The following KDM4B variants were observed in gnomAD, a reference collection of about 807,000 sequenced individuals.
KDM4B encodes the protein lysine demethylase 4B.
Under a neutral mutation model 125.2 loss-of-function variants are expected in KDM4B, and 32 were observed. The observed-to-expected ratio is 0.26, with a 90% CI of 0.19 to 0.34. The LOEUF is 0.34. Among genes scored for constraint, KDM4B ranks in the 10% least tolerant of loss-of-function variants. The pLI, the probability that KDM4B is intolerant of heterozygous loss-of-function variation, is 1.00. For synonymous variants in KDM4B, 721 were observed against 677.9 expected (o/e 1.06, Z -0.99); for missense variants, 1,190 against 1,577.7 (o/e 0.75, Z 4.16).
chr19:5,101,604 A>T (rs191672821), intron 9 of KDM4B, among the ~76,000 whole-genome samples: 2 of 147,468 alleles, frequency 1.4e-5, no homozygotes, highest in African/African-American at 5.0e-5. Context: ...TTGGGATGCA[A>T]GGGGATAGCG....
Position 5,137,259 on chromosome 19 carries a change from C to T in KDM4B, c.2309-3C>T. 1 of 1,569,138 alleles carries T rather than the reference C, an allele frequency of 6.4e-7. No homozygotes were observed. Among genetic ancestry groups the T allele is most frequent in the Admixed American group, 1.9e-5 (1 of 53,186 alleles). The stretch of plus-strand genomic sequence containing the variant: ...ATCTCAGCCAGCCCCCGCTGTCTTC[C>T]AGGTTGCTATGGCATCCGTCCCGAG... On this transcript the variant is annotated splice_polypyrimidine_tract_variant and splice_region_variant and intron_variant, in intron 15 of 22. Transcript: ENST00000159111.
chr19:5,131,840 C>T, intron 12 of KDM4B, 47 bp from the exon 13 acceptor site: 1 of 1,611,906 alleles, frequency 6.2e-7, no homozygotes, highest in Non-Finnish European at 8.5e-7. Context: ...GAGCCCCACC[C>T]AGGGGTCTGT....
intron 6 of KDM4B, among the ~76,000 whole-genome samples, chr19:5,067,365 C>G (rs1425513289): frequency 6.6e-6 from 1 of 152,202 alleles, no homozygotes; most frequent in East Asian, 1.9e-4. Flanking sequence ...TCCAGCAATC[C>G]CTGTGCGCTG....
intron 6 of KDM4B, among the ~76,000 whole-genome samples, chr19:5,049,134 C>T (rs538886618): frequency 1.1e-4 from 16 of 152,198 alleles, no homozygotes; most frequent in South Asian, 4.1e-4. Context: ...CGGGAGGAGG[C>T]GACAGTGGCT....
intron 10 of KDM4B, among the ~76,000 whole-genome samples, chr19:5,116,594 C>T (rs1278361650): frequency 6.6e-6 from 1 of 152,098 alleles, no homozygotes; most frequent in Non-Finnish European, 1.5e-5. Flanking sequence ...GGAACCAAGA[C>T]CCCCAGGGGT....
In KDM4B at chr19:5,081,571, G is replaced by A. The variant is rs2038295304; in HGVS notation, c.781-796G>A. On this transcript the variant is annotated intron_variant, in intron 8 of 22. Coordinates refer to ENST00000159111, the MANE Select transcript of KDM4B (RefSeq NM_015015.3). This position sits in a 1 kb window ranked among gnomAD's most constrained non-coding sequence, Gnocchi z 4.2. ...ACGCCTCGGCTCCTCAGTTTAGGGG[G>A]TCCTGCTTCAGAGACCTGCAAAGTC... Among the ~76,000 whole-genome samples, 1 of 152,176 alleles carries A rather than the reference G, an allele frequency of 6.6e-6. No individual in the cohort carries two copies. The highest frequency in any genetic ancestry group is 2.1e-4 in the South Asian group (1 of 4,828).
intron 11 of KDM4B, among the ~76,000 whole-genome samples, chr19:5,128,408 C>T (rs1038393338): frequency 7.2e-5 from 11 of 152,048 alleles, no homozygotes; most frequent in African/African-American, 1.2e-4. Flanking sequence ...AAGTTGAACC[C>T]GGCTTGGGAA....
chr19:5,015,886 A>G (rs2035878354), intron 1 of KDM4B, among the ~76,000 whole-genome samples: 1 of 152,122 alleles, frequency 6.6e-6, no homozygotes, highest in African/African-American at 2.4e-5. Flanking sequence ...GGTGGGGGAA[A>G]AACTGGGTGC....
At position 5,153,581 on chromosome 19, in the gene KDM4B, T is replaced by A. The variant is rs956390650; in HGVS notation, c.*2070T>A. ...CTCTAGGTTCATAATGAATTAAAGG[T>A]TCATGAACGCTGCGAAACCCCGTTC... is the stretch of plus-strand genomic sequence containing the variant. On this transcript the variant is annotated 3_prime_UTR_variant, in exon 23 of 23. Transcript: ENST00000159111. 6.6e-6 allele frequency: 1 copy of A among 152,228 alleles called. No individual in the cohort carries two copies. The highest frequency in any genetic ancestry group is 1.5e-5 in the Non-Finnish European group (1 of 68,062). 9.4% of individuals were successfully genotyped at this position (152,228 alleles called of 1,614,324 possible). A position where few individuals can be genotyped will look rare whatever the true frequency, so the allele number is the denominator to read the frequency against.
intron 2 of KDM4B, among the ~76,000 whole-genome samples, chr19:5,029,766 G>A (rs1198036939): frequency 6.6e-6 from 1 of 152,232 alleles, no homozygotes; most frequent in African/African-American, 2.4e-5. Flanking sequence ...GGTTGAGGCT[G>A]CAGTGAACCG....
At position 5,114,294 on chromosome 19, in the gene KDM4B, C is replaced by T. The variant is rs2039212283; in HGVS notation, c.1115+3476C>T. The T allele has an allele frequency of 8.3e-7, 1 of 1,204,552 alleles. No homozygotes were observed. Among genetic ancestry groups the T allele is most frequent in the Non-Finnish European group, 1.1e-6 (1 of 911,100 alleles). The allele number at this position is 1,204,552 out of a possible 1,614,324, so 74.6% of individuals were successfully genotyped here. On this transcript the variant is annotated intron_variant, in intron 10 of 22. Transcript: ENST00000159111. The surrounding 1 kb of genome is among the most constrained non-coding windows in gnomAD (Gnocchi z 5.8). Reference sequence around the variant, plus strand: ...CCCTGGCCCACTGCTGCTCTGTGAGCCCGGCTGGGCCCAGGCCTCGTCTCC... The same window carrying T: ...CCCTGGCCCACTGCTGCTCTGTGAGTCCGGCTGGGCCCAGGCCTCGTCTCC...
At chr19:5,066,288 G>T (rs2037766138) in intron 6 of KDM4B, among the ~76,000 whole-genome samples, 1 of 152,232 alleles carries the variant, frequency 6.6e-6, no homozygotes, top group South Asian at 2.1e-4. Flanking sequence ...AAGCTGGGAA[G>T]GTAGAGGGTC....
chr19:5,118,727 C>T (rs1194215590), intron 10 of KDM4B, among the ~76,000 whole-genome samples: 1 of 152,210 alleles, frequency 6.6e-6, no homozygotes, highest in African/African-American at 2.4e-5. Flanking sequence ...TTTTCAGCCC[C>T]TCTCTCTCAT....
At chr19:5,001,039 T>A (rs913506979) in intron 1 of KDM4B, among the ~76,000 whole-genome samples, 5 of 148,134 alleles carry the variant, frequency 3.4e-5, no homozygotes, top group Non-Finnish European at 7.5e-5. Context: ...GTCCCCTTCT[T>A]TTTTTTTTTT....
At chr19:5,068,196 T>C (rs551053029) in intron 6 of KDM4B, among the ~76,000 whole-genome samples, 36 of 152,072 alleles carry the variant, frequency 2.4e-4, no homozygotes, top group African/African-American at 8.4e-4. Context: ...TCTTCGCTCT[T>C]TGGGGGCCTG....
At chr19:5,079,778 G>A (rs988296161) in intron 8 of KDM4B, among the ~76,000 whole-genome samples, 1 of 152,184 alleles carries the variant, frequency 6.6e-6, no homozygotes, top group African/African-American at 2.4e-5. Context: ...TGTTGTCCAG[G>A]CTGGTCTCAA....
chr19:5,009,874 G>A (rs1599405619), intron 1 of KDM4B, among the ~76,000 whole-genome samples: 4 of 152,260 alleles, frequency 2.6e-5, no homozygotes, highest in Admixed American at 2.6e-4. Flanking sequence ...TGGGATTACA[G>A]GTGCCTTCCA....
chr19:5,079,058 A>G (rs1173039510), intron 8 of KDM4B: 1 of 152,086 alleles, frequency 6.6e-6, no homozygotes, highest in Non-Finnish European at 1.5e-5. Flanking sequence ...GCCTTCAAAC[A>G]AGTGACTCCC....
rs896015106 is a variant in KDM4B, at chr19:5,067,239, C to A, written c.627-3771C>A. On this transcript the variant is annotated intron_variant, in intron 6 of 22. Coordinates refer to ENST00000159111, the MANE Select transcript of KDM4B (RefSeq NM_015015.3). The stretch of plus-strand genomic sequence containing the variant: ...TGCACTGAGCTAAGTCTCCCCACCC[C>A]CTTAACATTTCTGACTCTGCCCTCT... Among the ~76,000 whole-genome samples the A allele has an allele frequency of 2.0e-5, 3 of 152,196 alleles. No homozygotes were observed. The East Asian group carries it at 5.8e-4, about 29-fold the overall frequency.
Sources: allele counts gnomAD v4.1 joint callset (sites outside exome capture counted in the v4.1 genomes callset), GRCh38; gene constraint gnomAD v4.1.1; non-coding constraint Gnocchi (gnomAD v3.1); transcripts MANE v1.5; gene names NCBI Gene and HGNC (gene_info 2026-07-23, HGNC 2026-07-21).